AFAP1L2: variants seen among roughly 807,000 people sequenced by gnomAD.
The protein encoded by AFAP1L2 is actin filament-associated protein 1-like 2.
AFAP1L2 carries 46 observed loss-of-function variants against 99.3 expected under a neutral mutation model. The observed-to-expected ratio is 0.46, with a 90% CI of 0.37 to 0.59. The LOEUF is 0.59. Among genes scored for constraint, AFAP1L2 ranks in the 20% least tolerant of loss-of-function variants. The pLI is 0.00. For synonymous variants in AFAP1L2, 397 were observed against 419.1 expected (o/e 0.95, Z 0.64); for missense variants, 959 against 1,034.9 (o/e 0.93, Z 1.01).
chr10:114,351,267 A>G (rs1396299564), intron 1 of AFAP1L2, among the ~76,000 whole-genome samples: 4 of 152,170 alleles, frequency 2.6e-5, no homozygotes, highest in African/African-American at 7.2e-5. Flanking sequence ...TGGAGTTTTT[A>G]CGCAGAGAAA....
At chr10:114,364,914 C>T (rs778183024) in intron 1 of AFAP1L2, among the ~76,000 whole-genome samples, 3 of 152,210 alleles carry the variant, frequency 2.0e-5, no homozygotes, top group Non-Finnish European at 2.9e-5. Flanking sequence ...TTTGTTTTAA[C>T]ATCCATGTTC....
chr10:114,377,504 T>C lies in AFAP1L2; in HGVS notation c.16+26936A>G, dbSNP rs1408630222. On this transcript the variant is annotated intron_variant, in intron 1 of 18. Coordinates refer to ENST00000304129, the MANE Select transcript of AFAP1L2 (RefSeq NM_001001936.3). This position sits in a 1 kb window ranked among gnomAD's most constrained non-coding sequence, Gnocchi z 4.0. ...TGACTGATTGCTGTATCATAGACAC[T>C]GTACCATATGCCATATGTACTTAAT... Among the ~76,000 whole-genome samples, 1 of 152,212 alleles carries C rather than the reference T, an allele frequency of 6.6e-6. No individual in the cohort carries two copies. The highest frequency in any genetic ancestry group is 1.5e-5 in the Non-Finnish European group (1 of 68,050).
At chr10:114,333,161 G>T in intron 3 of AFAP1L2, 60 bp downstream of exon 3, 4 of 1,471,770 alleles carry the variant, frequency 2.7e-6, no homozygotes, top group South Asian at 2.3e-5. Context: ...GAACCAGCTT[G>T]GACCTTCCCC....
chr10:114,354,539 A>G (rs2051022843), intron 1 of AFAP1L2, among the ~76,000 whole-genome samples: 1 of 152,190 alleles, frequency 6.6e-6, no homozygotes, highest in African/African-American at 2.4e-5. Flanking sequence ...CCTAAGCCAT[A>G]GGAGAAGGGG....
chr10:114,296,907 G>T (rs746577748), intron 18 of AFAP1L2, 71 bp downstream of exon 18: 5 of 1,611,388 alleles, frequency 3.1e-6, no homozygotes, highest in Non-Finnish European at 4.2e-6. Flanking sequence ...GCACCACCTG[G>T]GTCAGAAGAT....
chr10:114,318,446 G>GA (rs1248721402), intron 5 of AFAP1L2, among the ~76,000 whole-genome samples: 2 of 151,646 alleles, frequency 1.3e-5, no homozygotes, highest in Non-Finnish European at 2.9e-5. Flanking sequence ...AAAACATTGA[G>GA]AAAAAAAAGA....
intron 1 of AFAP1L2, among the ~76,000 whole-genome samples, chr10:114,376,560 G>A (rs2054827056): frequency 6.6e-6 from 1 of 152,152 alleles, no homozygotes; most frequent in Admixed American, 6.5e-5. Context: ...CCCATTGGAG[G>A]AGAATTCCAG....
At chr10:114,331,762 G>T in intron 4 of AFAP1L2, 41 bp downstream of exon 4, 4 of 1,287,864 alleles carry the variant, frequency 3.1e-6, no homozygotes, top group Non-Finnish European at 4.0e-6. Flanking sequence ...AGTTCAAGGG[G>T]CTCACGTCAG....
intron 1 of AFAP1L2, among the ~76,000 whole-genome samples, chr10:114,384,541 T>C (rs1662981185): frequency 6.6e-6 from 1 of 152,250 alleles, no homozygotes; most frequent in East Asian, 1.9e-4. Flanking sequence ...TGGGGTGAAA[T>C]TTATTTTTCA....
the AFAP1L2 span, chr10:114,285,918 G>A: frequency 1.9e-6 from 3 of 1,566,450 alleles, no homozygotes; most frequent in Non-Finnish European, 2.6e-6. Flanking sequence ...TTGACAGTGG[G>A]TGTTGCTGTG....
chr10:114,383,878 G>T (rs1200328375), intron 1 of AFAP1L2, among the ~76,000 whole-genome samples: 1 of 152,174 alleles, frequency 6.6e-6, no homozygotes, highest in South Asian at 2.1e-4. Flanking sequence ...GGCTGACAGA[G>T]GCTCTCCCCG....
chr10:114,335,310 T>TAA (rs1164594494), intron 2 of AFAP1L2, among the ~76,000 whole-genome samples: 1 of 151,794 alleles, frequency 6.6e-6, no homozygotes, highest in Non-Finnish European at 1.5e-5. Flanking sequence ...TTTTTTTTTT[T>TAA]AAAAAAAGAA....
the AFAP1L2 span, among the ~76,000 whole-genome samples, chr10:114,284,651 C>T: frequency 6.6e-6 from 1 of 152,258 alleles, no homozygotes; most frequent in Non-Finnish European, 1.5e-5. Flanking sequence ...AAGCCTGCTA[C>T]AGAGCATCCT....
intron 5 of AFAP1L2, among the ~76,000 whole-genome samples, chr10:114,320,238 G>A (rs1336313424): frequency 6.6e-6 from 1 of 152,220 alleles, no homozygotes; most frequent in African/African-American, 2.4e-5. Context: ...GGCCAGCAGG[G>A]CACTTATTAC....
At chr10:114,388,231 C>T (rs1234465861) in intron 1 of AFAP1L2, among the ~76,000 whole-genome samples, 1 of 152,012 alleles carries the variant, frequency 6.6e-6, no homozygotes, top group Non-Finnish European at 1.5e-5. Flanking sequence ...CCTGCTCTCC[C>T]ATTTCATCTC....
At chr10:114,378,312 A>G (rs2055079677) in intron 1 of AFAP1L2, among the ~76,000 whole-genome samples, 1 of 152,186 alleles carries the variant, frequency 6.6e-6, no homozygotes. Flanking sequence ...TGAAGCTTAT[A>G]CCCATACCTT....
At position 114,396,903 on chromosome 10, in the gene AFAP1L2, A is replaced by G. The variant is rs146430420; in HGVS notation, c.16+7537T>C. ...AGTCTCTGGCATTTAGGATGTCATCAGGCATGAGCCCTTGGCCTTTTTGTT... is the reference window on the plus strand; with the variant it reads ...AGTCTCTGGCATTTAGGATGTCATCGGGCATGAGCCCTTGGCCTTTTTGTT... On this transcript the variant is annotated intron_variant, in intron 1 of 18. Transcript: ENST00000304129. Among the ~76,000 whole-genome samples, 152 of 152,330 alleles carry G rather than the reference A, an allele frequency of 1.0e-3. 2 individuals carry two copies. The highest frequency in any genetic ancestry group is 3.5e-3 in the African/African-American group (144 of 41,578).
intron 15 of AFAP1L2, 89 bp from the exon 16 acceptor site, chr10:114,299,504 G>T: frequency 6.5e-7 from 1 of 1,529,316 alleles, no homozygotes; most frequent in East Asian, 2.3e-5. Flanking sequence ...GATAGAACCT[G>T]GGGCTTTGGC....
intron 12 of AFAP1L2, 33 bp downstream of exon 12, chr10:114,302,306 A>G (rs1190245097): frequency 1.2e-6 from 2 of 1,613,778 alleles, no homozygotes; most frequent in Non-Finnish European, 1.7e-6. Context: ...CAGGAATAAG[A>G]GAGTGTACGG....
Sources: allele counts gnomAD v4.1 joint callset (sites outside exome capture counted in the v4.1 genomes callset), GRCh38; gene constraint gnomAD v4.1.1; non-coding constraint Gnocchi (gnomAD v3.1); transcripts MANE v1.5; gene names NCBI Gene and HGNC (gene_info 2026-07-23, HGNC 2026-07-21).